Variants in TMEM50B observed in about 807,000 individuals in gnomAD.
TMEM50B encodes transmembrane protein 50B.
TMEM50B carries 14 observed loss-of-function variants against 23.4 expected under a neutral mutation model. The ratio of observed to expected loss-of-function variants is 0.60; its 90% CI spans 0.39 to 0.93. The LOEUF (loss-of-function observed/expected upper bound fraction) is 0.93. Among genes scored for constraint, TMEM50B ranks in the 40% least tolerant of loss-of-function variants. The probability of loss-of-function intolerance (pLI) is 0.00; values close to 1 mark genes in which losing one functional copy is unlikely to be tolerated. For synonymous variants in TMEM50B, 64 were observed against 62.3 expected (o/e 1.03, Z -0.13); for missense variants, 159 against 193.0 (o/e 0.82, Z 1.04).
At chr21:33,463,185 A>G (rs973484126) in intron 4 of TMEM50B, among the ~76,000 whole-genome samples, 2 of 151,982 alleles carry the variant, frequency 1.3e-5, no homozygotes, top group Non-Finnish European at 2.9e-5. Context: ...CCAGCTACTC[A>G]GGAGGCTGAG....
chr21:33,435,932 C>T (rs1343311095), intron 8 of TMEM50B, among the ~76,000 whole-genome samples: 1 of 150,286 alleles, frequency 6.7e-6, no homozygotes, highest in Non-Finnish European at 1.5e-5. Flanking sequence ...TGGTGCACGC[C>T]TGCAATCCTA....
At chr21:33,437,982 CAAAAAAAA>C (rs61317224) in intron 8 of TMEM50B, among the ~76,000 whole-genome samples, 1 of 96,716 alleles carries the variant, frequency 1.0e-5, no homozygotes, top group Non-Finnish European at 2.0e-5. Context: ...GACCCTATCT[CAAAAAAAA>C]AAAAAAAAAG....
At chr21:33,432,638 C>A in exon 9 of TMEM50B, 2 of 1,502,310 alleles carry the variant, frequency 1.3e-6, no homozygotes, top group Non-Finnish European at 1.9e-6. Context: ...CTTTAAGCAG[C>A]ATGGATGGAA....
chr21:33,466,006 A>C (rs1275438172), intron 3 of TMEM50B, among the ~76,000 whole-genome samples: 1 of 152,172 alleles, frequency 6.6e-6, no homozygotes, highest in Non-Finnish European at 1.5e-5. Context: ...TCACACCTGT[A>C]ATCCCAGCAC....
At chr21:33,475,151 C>T (rs1179544079) in intron 1 of TMEM50B, among the ~76,000 whole-genome samples, 1 of 151,938 alleles carries the variant, frequency 6.6e-6, no homozygotes, top group Non-Finnish European at 1.5e-5. Context: ...GTCTCCAACG[C>T]CCAGTCTTCA....
intron 1 of TMEM50B, among the ~76,000 whole-genome samples, chr21:33,472,037 A>G (rs1281594993): frequency 6.6e-6 from 1 of 150,888 alleles, no homozygotes; most frequent in East Asian, 1.9e-4. Flanking sequence ...CCTAAAAAAA[A>G]AAAAAAAGAA....
At chr21:33,472,184 C>A (rs2084324155) in intron 1 of TMEM50B, among the ~76,000 whole-genome samples, 1 of 151,448 alleles carries the variant, frequency 6.6e-6, no homozygotes, top group Non-Finnish European at 1.5e-5. Context: ...GAGATCGAGA[C>A]CATCCTGGCC....
At chr21:33,440,277 C>G (rs947712484) in intron 7 of TMEM50B, among the ~76,000 whole-genome samples, 1 of 152,044 alleles carries the variant, frequency 6.6e-6, no homozygotes, top group Non-Finnish European at 1.5e-5. Context: ...TTTCACTGTT[C>G]ATAAATATTT....
intron 5 of TMEM50B, 160 bp downstream of exon 5, chr21:33,460,253 T>C: frequency 1.6e-6 from 1 of 623,678 alleles, no homozygotes; most frequent in Non-Finnish European, 2.9e-6. Flanking sequence ...CACTAAGTGT[T>C]CCCACTGACA....
At chr21:33,471,835 A>G (rs1353626471) in intron 1 of TMEM50B, among the ~76,000 whole-genome samples, 3 of 151,904 alleles carry the variant, frequency 2.0e-5, no homozygotes, top group African/African-American at 4.8e-5. Context: ...GGAGATCGAG[A>G]CCATCCTGAC....
intron 6 of TMEM50B, among the ~76,000 whole-genome samples, chr21:33,451,505 T>C (rs1386548373): frequency 6.6e-6 from 1 of 151,912 alleles, no homozygotes; most frequent in East Asian, 1.9e-4. Context: ...TCAGACCTAG[T>C]TAGAGAGGTC....
intron 5 of TMEM50B, among the ~76,000 whole-genome samples, chr21:33,457,613 T>C (rs1034915227): frequency 1.3e-5 from 2 of 149,836 alleles, no homozygotes; most frequent in African/African-American, 4.9e-5. Flanking sequence ...ACTGTGCCAT[T>C]GCACTCCAGC....
At chr21:33,443,918 T>G (rs4816456) in intron 7 of TMEM50B, among the ~76,000 whole-genome samples, 13,970 of 152,166 alleles carry the variant, frequency 0.092, 869 homozygotes, top group East Asian at 0.25. Flanking sequence ...TTGTTTGTTT[T>G]TTTACAGAGT....
At chr21:33,467,351 G>A (rs1207337248) in intron 2 of TMEM50B, among the ~76,000 whole-genome samples, 2 of 152,016 alleles carry the variant, frequency 1.3e-5, no homozygotes, top group South Asian at 2.1e-4. Context: ...AAGGCCGGGC[G>A]CAGTGCTGAC....
rs2084099214 is a variant in TMEM50B, at chr21:33,449,663, G to A, written c.*1155C>T. ...ACTTGCAGTCGGTAACTGAGTAGATGAAATGCATAATTTTTCACTAGGTGA... is the reference window on the plus strand; with the variant it reads ...ACTTGCAGTCGGTAACTGAGTAGATAAAATGCATAATTTTTCACTAGGTGA... On this transcript the variant is annotated 3_prime_UTR_variant, in exon 7 of 7. Transcript: ENST00000542230. The A allele has an allele frequency of 6.6e-6, 1 of 152,278 alleles. No individual in the cohort carries two copies. The highest frequency in any genetic ancestry group is 6.5e-5 in the Admixed American group (1 of 15,284). The allele number at this position is 152,278 out of a possible 1,614,324, so 9.4% of individuals were successfully genotyped here.
rs71194848 is a variant in TMEM50B, at chr21:33,470,424, CAAAAAA to C, written c.-41-1504_-41-1499del. ...TGGGAGACAAAGCGAGACTGTGTCT[CAAAAAA>C]AAAAAAAAAAAAAAAAATCGGCTAG... On this transcript the variant is annotated intron_variant, in intron 1 of 6. Coordinates refer to ENST00000542230, the MANE Select transcript of TMEM50B (RefSeq NM_006134.7). Among the ~76,000 whole-genome samples the C allele has an allele frequency of 3.8e-4, 25 of 65,966 alleles. No homozygotes were observed. In the East Asian group the frequency reaches 6.2e-3, roughly 16 times the overall value. The allele number at this position is 65,966 out of a possible 152,430, so 43.3% of individuals were successfully genotyped here.
chr21:33,463,785 G>A (rs2084238456), intron 4 of TMEM50B, among the ~76,000 whole-genome samples: 1 of 152,092 alleles, frequency 6.6e-6, no homozygotes, highest in Non-Finnish European at 1.5e-5. Context: ...GGGCACAGCA[G>A]CATGTGCCTA....
chr21:33,437,310 T>C, intron 8 of TMEM50B: 1 of 268,660 alleles, frequency 3.7e-6, no homozygotes, highest in Non-Finnish European at 7.3e-6. Context: ...TCAGAAGACC[T>C]GGTCGTCGTC....
At chr21:33,477,362 T>C (rs2084383225) in intron 1 of TMEM50B, among the ~76,000 whole-genome samples, 1 of 152,124 alleles carries the variant, frequency 6.6e-6, no homozygotes, top group Non-Finnish European at 1.5e-5. Flanking sequence ...CCTTATATTA[T>C]CATCAGTTGC....
Sources: gnomAD v4.1 joint callset for allele counts (sites outside exome capture counted in the v4.1 genomes callset) on GRCh38, gnomAD v4.1.1 for gene constraint, MANE v1.5 for transcripts, NCBI Gene and HGNC (gene_info 2026-07-23, HGNC 2026-07-21) for gene names.